The following ADAM32 variants were observed in gnomAD, a reference collection of about 807,000 sequenced individuals.
ADAM32 encodes the protein ADAM metallopeptidase domain 32.
A neutral mutation model predicts 114.9 loss-of-function variants in ADAM32; 89 were observed. The ratio of observed to expected loss-of-function variants is 0.77; its 90% CI spans 0.65 to 0.92. The LOEUF is 0.92. ADAM32 is among the 40% of genes least tolerant of loss of function. The probability of loss-of-function intolerance (pLI) is 0.00; values close to 1 mark genes in which losing one functional copy is unlikely to be tolerated. For missense variants in ADAM32, 870 were observed against 932.8 expected (o/e 0.93, Z 0.88); for synonymous variants, 285 against 307.5 (o/e 0.93, Z 0.77).
intron 1 of ADAM32, among the ~76,000 whole-genome samples, chr8:39,112,022 T>C (rs1186094415): frequency 6.6e-6 from 1 of 152,156 alleles, no homozygotes; most frequent in Non-Finnish European, 1.5e-5. Flanking sequence ...AAAATAATTA[T>C]AAACTTGTTA....
chr8:39,110,174 T>A (rs1840101262), intron 1 of ADAM32, among the ~76,000 whole-genome samples: 2 of 152,160 alleles, frequency 1.3e-5, no homozygotes, highest in Admixed American at 6.5e-5. Flanking sequence ...GTTCAAGCAA[T>A]TTTCCTGCCT....
In ADAM32 at chr8:39,186,116, A is replaced by G. The variant is rs753900950; in HGVS notation, c.916-793A>G. On this transcript the variant is annotated intron_variant, in intron 10 of 24. Transcript: ENST00000379907. The stretch of plus-strand genomic sequence containing the variant: ...CTTTCTGATTCCGTTTGCATTTTCC[A>G]TTGCTCATTTGCAGCGTTCCCTTTC... Among the ~76,000 whole-genome samples, 12 of 152,098 alleles carry G rather than the reference A, an allele frequency of 7.9e-5. 1 individual carries two copies. Among genetic ancestry groups the G allele is most frequent in the Middle Eastern group, 3.2e-3 (1 of 316 alleles).
chr8:39,240,243 G>A (rs957575884), intron 16 of ADAM32, among the ~76,000 whole-genome samples: 16 of 152,022 alleles, frequency 1.1e-4, no homozygotes, highest in Admixed American at 5.9e-4. Context: ...AGACCACAGC[G>A]GAATAAAATT....
chr8:39,190,225 T>C (rs1806520174), intron 11 of ADAM32, among the ~76,000 whole-genome samples: 1 of 152,220 alleles, frequency 6.6e-6, no homozygotes, highest in South Asian at 2.1e-4. Context: ...TGAAAAAGTT[T>C]ACTTCTTTTC....
chr8:39,121,054 C>A lies in ADAM32; in HGVS notation c.138+2889C>A, dbSNP rs538885016. ...GAAGGAATTATTTAGCAAAAAGGAA[C>A]AAGAACTTGAAGATTTGAGAAATTT... On this transcript the variant is annotated intron_variant, in intron 2 of 24. Coordinates refer to ENST00000379907, the MANE Select transcript of ADAM32 (RefSeq NM_145004.7). 1.9e-3 allele frequency among the ~76,000 whole-genome samples: 289 copies of A among 152,202 alleles called. 4 individuals carry two copies. Among genetic ancestry groups the A allele is most frequent in the Non-Finnish European group, 6.0e-4 (41 of 68,008 alleles).
At chr8:39,198,745 TTTTTCTCTTCTCCTTTTC>T (rs1023671343) in intron 11 of ADAM32, among the ~76,000 whole-genome samples, 3 of 152,304 alleles carry the variant, frequency 2.0e-5, no homozygotes, top group African/African-American at 7.2e-5. Flanking sequence ...TAACATTTTT[TTTTTCTCTTCTCCTTTTC>T]TTTTCTCTTC....
chr8:39,280,947 T>G (rs1248175730), intron 22 of ADAM32, among the ~76,000 whole-genome samples, 189 bp from the exon 23 acceptor site: 2 of 152,004 alleles, frequency 1.3e-5, no homozygotes, highest in Non-Finnish European at 2.9e-5. Context: ...CACACCTGGC[T>G]AATTTTTTGT....
chr8:39,208,259 T>G (rs1807977635), intron 11 of ADAM32, among the ~76,000 whole-genome samples: 1 of 152,126 alleles, frequency 6.6e-6, no homozygotes, highest in Non-Finnish European at 1.5e-5. Flanking sequence ...TAATACCCAC[T>G]TTTTGATCAC....
chr8:39,204,668 C>T (rs144662202), intron 11 of ADAM32, among the ~76,000 whole-genome samples: 22 of 152,302 alleles, frequency 1.4e-4, no homozygotes, highest in East Asian at 1.4e-3. Flanking sequence ...CCATTGCTGG[C>T]GAGGAGCTGT....
Position 39,127,788 on chromosome 8 carries a change from C to A in ADAM32, c.139-8869C>A, listed in dbSNP as rs544989968. Among the ~76,000 whole-genome samples, 399 of 152,206 alleles carry A rather than the reference C, an allele frequency of 2.6e-3. 1 individual carries two copies. The highest frequency in any genetic ancestry group is 0.017 in the Middle Eastern group (5 of 294). ...TGATGTTAGGTTGTTAACTTGAGAT[C>A]TTTCTAGCTTTTTGATGTGGGCATT... On this transcript the variant is annotated intron_variant, in intron 2 of 24. Coordinates refer to ENST00000379907, the MANE Select transcript of ADAM32 (RefSeq NM_145004.7).
chr8:39,238,195 A>G (rs1006148469), intron 16 of ADAM32, among the ~76,000 whole-genome samples: 1 of 152,218 alleles, frequency 6.6e-6, no homozygotes, highest in Non-Finnish European at 1.5e-5. Context: ...TGCTACTTCC[A>G]CCAGAGCAGG....
chr8:39,246,309 A>T, intron 17 of ADAM32, 143 bp downstream of exon 17: 1 of 660,906 alleles, frequency 1.5e-6, no homozygotes, highest in Non-Finnish European at 2.6e-6. Flanking sequence ...TTAAGTCATT[A>T]AATTCAGCAG....
chr8:39,173,184 GGAGGCA>G, intron 10 of ADAM32, among the ~76,000 whole-genome samples: 1 of 152,324 alleles, frequency 6.6e-6, no homozygotes, highest in African/African-American at 2.4e-5. Flanking sequence ...CTTGAACCTG[GGAGGCA>G]GAGGTTGCAG....
intron 12 of ADAM32, among the ~76,000 whole-genome samples, chr8:39,213,055 G>A (rs1422893433): frequency 2.6e-5 from 4 of 152,008 alleles, no homozygotes; most frequent in African/African-American, 9.7e-5. Context: ...TAATAATTGT[G>A]TATATTTCTG....
intron 10 of ADAM32, among the ~76,000 whole-genome samples, chr8:39,183,150 G>A (rs1025999924): frequency 3.3e-5 from 5 of 152,182 alleles, no homozygotes; most frequent in African/African-American, 1.2e-4. Context: ...CGTGTTTCCT[G>A]CAGCATGATG....
chr8:39,223,067 C>A lies in ADAM32; in HGVS notation c.1354C>A (p.Pro452Thr). The change falls in exon 14 of 25, where the codon CCG becomes ACG. Residue 452 changes from proline to threonine, a missense_variant. Transcript: ENST00000379907. ...TTTACAATCAGGCGTTGAATGTAGG[C>A]CGAAAGCACATCCTGAATGTGACAT... ...QILQSGVECR[P>T]KAHPECDIAE... 1 of 1,587,888 alleles carries A rather than the reference C, an allele frequency of 6.3e-7. No individual in the cohort carries two copies. The highest frequency in any genetic ancestry group is 8.6e-7 in the Non-Finnish European group (1 of 1,167,772).
intron 4 of ADAM32, among the ~76,000 whole-genome samples, chr8:39,148,481 CTTT>C (rs58573029): frequency 2.9e-5 from 4 of 139,096 alleles, no homozygotes; most frequent in African/African-American, 7.9e-5. Flanking sequence ...TTTCCTTTAC[CTTT>C]TTTTTTTTTG....
chr8:39,158,108 C>A, intron 6 of ADAM32: 1 of 224,764 alleles, frequency 4.4e-6, no homozygotes, highest in Non-Finnish European at 8.9e-6. Flanking sequence ...GCTTGCTTCA[C>A]AGGTACCTGG....
chr8:39,203,410 C>G (rs1289097117), intron 11 of ADAM32, among the ~76,000 whole-genome samples: 1 of 152,094 alleles, frequency 6.6e-6, no homozygotes, highest in African/African-American at 2.4e-5. Flanking sequence ...CTCTTTTGAT[C>G]TTTGTTGGTT....
Sources: gnomAD v4.1 joint callset for allele counts (sites outside exome capture counted in the v4.1 genomes callset) on GRCh38, gnomAD v4.1.1 for gene constraint, MANE v1.5 for transcripts, NCBI Gene and HGNC (gene_info 2026-07-23, HGNC 2026-07-21) for gene names.